The following CSMD3 variants were observed in gnomAD, a reference collection of about 807,000 sequenced individuals.
The protein encoded by CSMD3 is CUB and sushi domain-containing protein 3.
CSMD3 carries 177 observed loss-of-function variants against 435.2 expected under a neutral mutation model. That is an observed-to-expected ratio of 0.41 (90% CI 0.36 to 0.46). CSMD3 has a LOEUF of 0.46. CSMD3 is among the 20% of genes least tolerant of loss of function. The pLI, the probability that CSMD3 is intolerant of heterozygous loss-of-function variation, is 0.34. For synonymous variants in CSMD3, 1,656 were observed against 1,520.5 expected (o/e 1.09, Z -2.07); for missense variants, 4,265 against 4,504.6 (o/e 0.95, Z 1.52).
intron 2 of CSMD3, among the ~76,000 whole-genome samples, chr8:113,296,482 C>T (rs983533589): frequency 6.6e-6 from 1 of 152,006 alleles, no homozygotes; most frequent in South Asian, 2.1e-4. Flanking sequence ...CAAGACTGTG[C>T]CACTGCACAC....
At chr8:112,589,884 T>C (rs1831033075) in intron 22 of CSMD3, among the ~76,000 whole-genome samples, 1 of 152,110 alleles carries the variant, frequency 6.6e-6, no homozygotes, top group Non-Finnish European at 1.5e-5. Flanking sequence ...ATGGAGAGTA[T>C]ACCGCTATCA....
At chr8:112,252,139 GCT>G (rs1471476999) in intron 63 of CSMD3, among the ~76,000 whole-genome samples, 1 of 151,734 alleles carries the variant, frequency 6.6e-6, no homozygotes, top group Non-Finnish European at 1.5e-5. Flanking sequence ...ACTTTCTCTT[GCT>G]CTTCCCAAAA....
rs140704009 is a variant in CSMD3, at chr8:112,980,711, G to A, written c.1031-4563C>T. Reference sequence around the variant, plus strand: ...GGACACTTGCGAACTAATTGAATACGAGGGTATGAAGTGAAACAAAGCTCT... The same window carrying A: ...GGACACTTGCGAACTAATTGAATACAAGGGTATGAAGTGAAACAAAGCTCT... On this transcript the variant is annotated intron_variant, in intron 6 of 70. Transcript: ENST00000297405. Among the ~76,000 whole-genome samples the A allele has an allele frequency of 3.2e-3, 486 of 151,520 alleles. 2 individuals carry two copies. The highest frequency in any genetic ancestry group is 9.8e-3 in the African/African-American group (406 of 41,472).
intron 3 of CSMD3, among the ~76,000 whole-genome samples, chr8:113,246,010 T>C (rs1464740079): frequency 6.6e-6 from 1 of 152,044 alleles, no homozygotes; most frequent in Non-Finnish European, 1.5e-5. Context: ...TGATTAGTTG[T>C]TTTTCTTTTA....
intron 9 of CSMD3, among the ~76,000 whole-genome samples, chr8:112,929,745 T>G (rs1181302481): frequency 2.0e-5 from 3 of 152,162 alleles, no homozygotes; most frequent in Non-Finnish European, 4.4e-5. Flanking sequence ...AAAGTGCTTT[T>G]GAAGGTTACT....
intron 3 of CSMD3, among the ~76,000 whole-genome samples, chr8:113,216,769 G>A (rs190883109): frequency 1.3e-5 from 2 of 151,956 alleles, no homozygotes; most frequent in Admixed American, 6.6e-5. Flanking sequence ...GACCTGAGAA[G>A]CTTTAGACTG....
intron 5 of CSMD3, among the ~76,000 whole-genome samples, chr8:113,069,408 T>C (rs1295329246): frequency 6.6e-6 from 1 of 152,150 alleles, no homozygotes; most frequent in Admixed American, 6.5e-5. Context: ...AGTTATATAG[T>C]AATATGGGAT....
intron 9 of CSMD3, among the ~76,000 whole-genome samples, chr8:112,930,962 T>C (rs2083087827): frequency 6.6e-6 from 1 of 152,096 alleles, no homozygotes. Context: ...AAGTTGCTAT[T>C]GCCATATTAA....
intron 49 of CSMD3, among the ~76,000 whole-genome samples, chr8:112,312,110 A>C (rs918245500): frequency 6.6e-6 from 1 of 152,206 alleles, no homozygotes; most frequent in Admixed American, 6.5e-5. Context: ...TTATGTTATC[A>C]TGTATCATGA....
At chr8:112,619,891 C>T (rs1030572104) in intron 22 of CSMD3, among the ~76,000 whole-genome samples, 1 of 151,832 alleles carries the variant, frequency 6.6e-6, no homozygotes, top group African/African-American at 2.4e-5. Flanking sequence ...TTATATAATA[C>T]CCATGAGATC....
intron 56 of CSMD3, among the ~76,000 whole-genome samples, chr8:112,291,219 TAC>T (rs1227173075): frequency 6.6e-6 from 1 of 151,926 alleles, no homozygotes; most frequent in Non-Finnish European, 1.5e-5. Flanking sequence ...AGTTGCCTCT[TAC>T]AGACGATAAT....
At chr8:113,226,967 C>G (rs2093035731) in intron 3 of CSMD3, among the ~76,000 whole-genome samples, 1 of 151,550 alleles carries the variant, frequency 6.6e-6, no homozygotes, top group African/African-American at 2.4e-5. Context: ...CTAATATTAT[C>G]TACATTTACC....
rs2094633876 is a variant in CSMD3, at chr8:113,425,980, T to A, written c.178+10697A>T. On this transcript the variant is annotated intron_variant, in intron 1 of 70. Coordinates refer to ENST00000297405, the MANE Select transcript of CSMD3 (RefSeq NM_198123.2). ...AATATCTTAACTCCAGATTTCTCCATATATGTGAACACTGAGTAAATATTT... is the reference window on the plus strand; with the variant it reads ...AATATCTTAACTCCAGATTTCTCCAAATATGTGAACACTGAGTAAATATTT... Among the ~76,000 whole-genome samples the A allele has an allele frequency of 2.0e-5, 3 of 151,634 alleles. No homozygotes were observed. In the South Asian group the frequency reaches 6.2e-4, roughly 31 times the overall value.
At chr8:112,271,648 C>T (rs1817544354) in intron 59 of CSMD3, among the ~76,000 whole-genome samples, 1 of 151,938 alleles carries the variant, frequency 6.6e-6, no homozygotes, top group Non-Finnish European at 1.5e-5. Flanking sequence ...TCTAAGAAAC[C>T]ATTTATTTGA....
intron 60 of CSMD3, among the ~76,000 whole-genome samples, 198 bp from the exon 61 acceptor site, chr8:112,264,010 G>A (rs1217238681): frequency 2.6e-5 from 4 of 152,002 alleles, no homozygotes; most frequent in Non-Finnish European, 5.9e-5. Context: ...ACTTTTTCTT[G>A]GCAACATAAT....
chr8:112,441,106 T>C (rs1359255859), intron 32 of CSMD3, among the ~76,000 whole-genome samples: 3 of 152,194 alleles, frequency 2.0e-5, no homozygotes, highest in African/African-American at 7.2e-5. Flanking sequence ...TGCTTCCCCT[T>C]GAATGCTTTG....
chr8:113,352,984 G>C lies in CSMD3; in HGVS notation c.179-38191C>G, dbSNP rs534739383. Reference sequence around the variant, plus strand: ...AGAGGTGATACTAATTACTGCCATGGGGAACACAAATTGCAAGCTAAAATG... The same window carrying C: ...AGAGGTGATACTAATTACTGCCATGCGGAACACAAATTGCAAGCTAAAATG... On this transcript the variant is annotated intron_variant, in intron 1 of 70. Coordinates refer to ENST00000297405, the MANE Select transcript of CSMD3 (RefSeq NM_198123.2). 3.3e-5 allele frequency among the ~76,000 whole-genome samples: 5 copies of C among 152,186 alleles called. No individual in the cohort carries two copies. In the South Asian group the frequency reaches 1.0e-3, roughly 32 times the overall value.
rs1820547768 is a variant in CSMD3 at position 112,490,186 on chromosome 8, T to C, written c.5278+2303A>G. Reference sequence around the variant, plus strand: ...TCTCTATATGTGTTGTGTTTACTAATTGAATCTTCACAATAACTTACTGAA... The same window carrying C: ...TCTCTATATGTGTTGTGTTTACTAACTGAATCTTCACAATAACTTACTGAA... On this transcript the variant is annotated intron_variant, in intron 31 of 70. Coordinates refer to ENST00000297405, the MANE Select transcript of CSMD3 (RefSeq NM_198123.2). 2.6e-5 allele frequency among the ~76,000 whole-genome samples: 4 copies of C among 152,172 alleles called. No individual in the cohort carries two copies. The South Asian group carries it at 6.2e-4, about 24-fold the overall frequency.
chr8:113,084,032 T>TA (rs888067034), intron 5 of CSMD3, among the ~76,000 whole-genome samples: 4 of 151,926 alleles, frequency 2.6e-5, no homozygotes, highest in Admixed American at 2.6e-4. Flanking sequence ...GGCTAACGAA[T>TA]AAAAAACAAG....
Sources: gnomAD v4.1 joint callset for allele counts (sites outside exome capture counted in the v4.1 genomes callset) on GRCh38, gnomAD v4.1.1 for gene constraint, MANE v1.5 for transcripts, NCBI Gene and HGNC (gene_info 2026-07-23, HGNC 2026-07-21) for gene names.